The following ERG variants were observed in gnomAD, a reference collection of about 807,000 sequenced individuals.
ERG encodes ETS transcription factor ERG.
Under a neutral mutation model 55.3 loss-of-function variants are expected in ERG, and 9 were observed. The observed-to-expected ratio is 0.16, with a 90% CI of 0.10 to 0.28. The LOEUF (loss-of-function observed/expected upper bound fraction) is 0.28. Ranked by LOEUF, ERG falls within the 10% of genes least tolerant of loss-of-function variation. ERG has a pLI of 1.00. For missense variants in ERG, 434 were observed against 631.6 expected (o/e 0.69, Z 3.35); for synonymous variants, 223 against 237.3 (o/e 0.94, Z 0.55).
intron 2 of ERG, among the ~76,000 whole-genome samples, chr21:38,440,744 G>T (rs1419514153): frequency 6.8e-6 from 1 of 146,454 alleles, no homozygotes; most frequent in African/African-American, 2.5e-5. Flanking sequence ...AGCCGAGATT[G>T]TGCCATTGCA....
chr21:38,594,956 T>C (rs370719579), intron 1 of ERG, among the ~76,000 whole-genome samples: 1 of 152,244 alleles, frequency 6.6e-6, no homozygotes, highest in East Asian at 1.9e-4. Flanking sequence ...TTGAGGGGTT[T>C]TGCACAATGG....
At chr21:38,518,935 T>C (rs1183365321) in intron 2 of ERG, among the ~76,000 whole-genome samples, 1 of 152,096 alleles carries the variant, frequency 6.6e-6, no homozygotes, top group Non-Finnish European at 1.5e-5. Flanking sequence ...CCCCCATCAA[T>C]CAATAAGAAT....
chr21:38,599,822 A>G (rs568312186), intron 1 of ERG, among the ~76,000 whole-genome samples: 5 of 152,364 alleles, frequency 3.3e-5, no homozygotes, highest in African/African-American at 1.2e-4. Flanking sequence ...GACTTGAGGC[A>G]TGAGTTTGGA....
At chr21:38,480,100 C>G (rs2059223733) in intron 1 of ERG, among the ~76,000 whole-genome samples, 2 of 152,126 alleles carry the variant, frequency 1.3e-5, no homozygotes. Flanking sequence ...GACTAACAGG[C>G]AGGTAGCATC....
rs1429869214 is a variant in ERG, at chr21:38,498,143, GA to G, written c.18+219del. Among the ~76,000 whole-genome samples the G allele has an allele frequency of 6.6e-6, 1 of 152,290 alleles. No individual in the cohort carries two copies. The highest frequency in any genetic ancestry group is 1.5e-5 in the Non-Finnish European group (1 of 68,024). ...TCCACAGCACTCAACAGTGAATTTA[GA>G]AACCCCAATTTTTTTCTGAGTTTGA... On this transcript the variant is annotated intron_variant, in intron 1 of 9. Transcript: ENST00000288319. This position sits in a 1 kb window ranked among gnomAD's most constrained non-coding sequence, Gnocchi z 4.6.
At chr21:38,484,883 A>G (rs1167428673) in intron 1 of ERG, among the ~76,000 whole-genome samples, 1 of 152,216 alleles carries the variant, frequency 6.6e-6, no homozygotes, top group Non-Finnish European at 1.5e-5. Context: ...TGTATAAAGT[A>G]TAGCACATAC....
intron 2 of ERG, among the ~76,000 whole-genome samples, chr21:38,553,364 G>A (rs551348436): frequency 6.6e-6 from 1 of 152,206 alleles, no homozygotes; most frequent in Admixed American, 6.5e-5. Flanking sequence ...AACCACAGAA[G>A]AGCCTAAATA....
chr21:38,421,909 A>G (rs1172277059), intron 3 of ERG, among the ~76,000 whole-genome samples: 1 of 152,062 alleles, frequency 6.6e-6, no homozygotes, highest in African/African-American at 2.4e-5. Flanking sequence ...CTGGAGTGCA[A>G]TGGCACAATT....
intron 8 of ERG, 107 bp from the exon 9 acceptor site, chr21:38,391,149 G>A (rs1021834270): frequency 4.9e-5 from 45 of 918,062 alleles, no homozygotes; most frequent in East Asian, 4.9e-5. Flanking sequence ...TTTCAGAGCC[G>A]AAAATGTCCT....
At chr21:38,413,890 T>G (rs1477422878) in intron 3 of ERG, among the ~76,000 whole-genome samples, 1 of 152,174 alleles carries the variant, frequency 6.6e-6, no homozygotes, top group East Asian at 1.9e-4. Flanking sequence ...GGTCTACCCC[T>G]CTCCTCTCTC....
rs571876271 is a variant in ERG at position 38,410,247 on chromosome 21, A to G, written c.389-6538T>C. ...AAAGTCCAATTTATAATTTTATTTTAAGAAACTTTTGGAGATGCTTCTGTC... is the reference window on the plus strand; with the variant it reads ...AAAGTCCAATTTATAATTTTATTTTGAGAAACTTTTGGAGATGCTTCTGTC... On this transcript the variant is annotated intron_variant, in intron 3 of 9. Coordinates refer to ENST00000288319, the MANE Select transcript of ERG (RefSeq NM_182918.4). 4.6e-5 allele frequency among the ~76,000 whole-genome samples: 7 copies of G among 152,376 alleles called. No homozygotes were observed. The East Asian group carries it at 1.3e-3, about 29-fold the overall frequency.
chr21:38,595,506 C>T (rs1044861917), intron 1 of ERG, among the ~76,000 whole-genome samples: 12 of 152,108 alleles, frequency 7.9e-5, no homozygotes, highest in African/African-American at 2.9e-4. Flanking sequence ...ATCCTTGAAC[C>T]CCGGGGCCTG....
chr21:38,447,759 G>T (rs2058905364), intron 1 of ERG, among the ~76,000 whole-genome samples: 1 of 152,060 alleles, frequency 6.6e-6, no homozygotes, highest in South Asian at 2.1e-4. Context: ...CTCAGAACAG[G>T]AAACAGAGCT....
intron 2 of ERG, among the ~76,000 whole-genome samples, chr21:38,553,999 T>G (rs1040694409): frequency 5.3e-5 from 6 of 113,372 alleles, no homozygotes; most frequent in Admixed American, 2.4e-4. Flanking sequence ...AAAAAACAAC[T>G]TCTTTAAAAA....
rs141367364 is a variant in ERG at position 38,508,368 on chromosome 21, A to T, written c.-41+67294T>A. ...GGATTTCCGTCTCAATAATTGAGCT[A>T]ATAGTACCTGTAAGCAAGTGGATAG... On this transcript the variant is annotated intron_variant, in intron 2 of 8. Coordinates refer to the ERG transcript ENST00000398897. 1.6e-3 allele frequency among the ~76,000 whole-genome samples: 245 copies of T among 152,222 alleles called. 1 individual carries two copies. The highest frequency in any genetic ancestry group is 0.01 in the Middle Eastern group (3 of 294).
chr21:38,436,078 G>A (rs1300892197), intron 2 of ERG, among the ~76,000 whole-genome samples: 2 of 139,006 alleles, frequency 1.4e-5, no homozygotes, highest in East Asian at 4.3e-4. Flanking sequence ...GGAGTGCAAT[G>A]GCGCGATCTC....
intron 1 of ERG, among the ~76,000 whole-genome samples, chr21:38,614,280 T>C (rs917383376): frequency 1.3e-5 from 2 of 152,182 alleles, no homozygotes; most frequent in Non-Finnish European, 2.9e-5. Flanking sequence ...GTCTAGTCAA[T>C]ACACATTCTC....
At chr21:38,585,168 G>C (rs2060054471), upstream of ERG, among the ~76,000 whole-genome samples, 1 of 152,162 alleles carries the variant, frequency 6.6e-6, no homozygotes, top group Non-Finnish European at 1.5e-5. Context: ...GTGAAAGCAA[G>C]GCCAAGCCTA....
intron 1 of ERG, chr21:38,660,526 A>T (rs1875659948): frequency 6.6e-6 from 1 of 151,302 alleles, no homozygotes; most frequent in South Asian, 2.1e-4. Flanking sequence ...ACTTACCGAG[A>T]GGTTAGCGCC....
Sources: allele counts gnomAD v4.1 joint callset (sites outside exome capture counted in the v4.1 genomes callset), GRCh38; gene constraint gnomAD v4.1.1; non-coding constraint Gnocchi (gnomAD v3.1); transcripts MANE v1.5; gene names NCBI Gene and HGNC (gene_info 2026-07-23, HGNC 2026-07-21).